Variants in AGTPBP1 observed in about 807,000 individuals in gnomAD.
AGTPBP1 encodes ATP/GTP binding carboxypeptidase 1.
A neutral mutation model predicts 143.9 loss-of-function variants in AGTPBP1; 70 were observed. That is an observed-to-expected ratio of 0.49 (90% CI 0.40 to 0.59). The LOEUF is 0.59. Ranked by LOEUF, AGTPBP1 falls within the 20% of genes least tolerant of loss-of-function variation. AGTPBP1 has a pLI of 0.00. For missense variants in AGTPBP1, 1,229 were observed against 1,464.5 expected (o/e 0.84, Z 2.62); for synonymous variants, 463 against 500.2 (o/e 0.93, Z 0.99).
chr9:85,740,670 T>C (rs1313429056), intron 1 of AGTPBP1, among the ~76,000 whole-genome samples: 1 of 152,184 alleles, frequency 6.6e-6, no homozygotes, highest in East Asian at 1.9e-4. Flanking sequence ...GATAATTTGA[T>C]TTACATAAAG....
At chr9:85,750,440 C>A in the AGTPBP1 span, among the ~76,000 whole-genome samples, 3 of 152,210 alleles carry the variant, frequency 2.0e-5, no homozygotes, top group African/African-American at 4.8e-5. Context: ...CACCTCTCTT[C>A]TATCCATGTC....
rs548167690 is a variant in AGTPBP1, at chr9:85,563,990, G to T, written c.3503+11325C>A. Among the ~76,000 whole-genome samples, 11 of 152,346 alleles carry T rather than the reference G, an allele frequency of 7.2e-5. 1 individual carries two copies. The South Asian group carries it at 2.3e-3, about 32-fold the overall frequency. ...CTCTGCTGAGCCCCAGAATTCACCA[G>T]CCTGGGAAGCATGGTTACCTCCACC... is the stretch of plus-strand genomic sequence containing the variant. On this transcript the variant is annotated intron_variant, in intron 25 of 25. Coordinates refer to ENST00000357081, the MANE Select transcript of AGTPBP1 (RefSeq NM_001330701.2).
chr9:85,753,620 C>T, the AGTPBP1 span, among the ~76,000 whole-genome samples: 3 of 152,030 alleles, frequency 2.0e-5, no homozygotes, highest in African/African-American at 4.8e-5. Context: ...GTCTTGGTGG[C>T]GGGTGCTTGT....
At chr9:85,575,923 C>T (rs1564024488) in intron 24 of AGTPBP1, among the ~76,000 whole-genome samples, 1 of 152,112 alleles carries the variant, frequency 6.6e-6, no homozygotes, top group East Asian at 1.9e-4. Context: ...GATACTTCTA[C>T]TGTATGATAA....
At chr9:85,734,390 C>T (rs888114121) in intron 1 of AGTPBP1, among the ~76,000 whole-genome samples, 9 of 152,022 alleles carry the variant, frequency 5.9e-5, no homozygotes, top group Non-Finnish European at 1.3e-4. Flanking sequence ...AGGAACGCTT[C>T]CTACCTCATT....
the AGTPBP1 span, chr9:85,791,527 A>C: frequency 6.6e-6 from 1 of 152,190 alleles, no homozygotes; most frequent in Non-Finnish European, 1.5e-5. Flanking sequence ...AATAGCTCTA[A>C]GACAGATGAC....
At chr9:85,664,577 A>T (rs1250602340) in intron 8 of AGTPBP1, among the ~76,000 whole-genome samples, 2 of 152,170 alleles carry the variant, frequency 1.3e-5, no homozygotes, top group African/African-American at 4.8e-5. Context: ...TACAGATTTT[A>T]TCATGTCAAC....
At chr9:85,621,526 AT>A (rs1332570974) in intron 14 of AGTPBP1, among the ~76,000 whole-genome samples, 79 of 130,264 alleles carry the variant, frequency 6.1e-4, no homozygotes, top group African/African-American at 2.9e-3. Flanking sequence ...AAGTCCAATC[AT>A]TTAAAAAAAA....
chr9:85,780,015 A>T, the AGTPBP1 span, among the ~76,000 whole-genome samples: 1 of 152,204 alleles, frequency 6.6e-6, no homozygotes, highest in Non-Finnish European at 1.5e-5. Flanking sequence ...TGATCTCATT[A>T]ATTTTAAGTA....
intron 2 of AGTPBP1, among the ~76,000 whole-genome samples, chr9:85,697,513 C>A (rs1222872414): frequency 8.4e-6 from 1 of 118,970 alleles, no homozygotes; most frequent in Admixed American, 1.2e-4. Context: ...AGTGCAGTGG[C>A]GCAATCTCGG....
intron 17 of AGTPBP1, among the ~76,000 whole-genome samples, chr9:85,607,995 T>C (rs1830089232): frequency 6.6e-6 from 1 of 152,128 alleles, no homozygotes; most frequent in Non-Finnish European, 1.5e-5. Flanking sequence ...AGTCTCAGAA[T>C]TTGATTTTTC....
intron 15 of AGTPBP1, 110 bp from the exon 16 acceptor site, chr9:85,619,411 T>TC: frequency 1.4e-6 from 1 of 712,300 alleles, no homozygotes; most frequent in Non-Finnish European, 2.2e-6. Flanking sequence ...CATATCACCT[T>TC]CCTCATTATT....
intron 2 of AGTPBP1, among the ~76,000 whole-genome samples, chr9:85,709,748 G>T (rs1837247556): frequency 6.6e-6 from 1 of 152,134 alleles, no homozygotes; most frequent in Non-Finnish European, 1.5e-5. Context: ...GTTGGAGAAT[G>T]AAAAGAATAA....
At chr9:85,782,558 T>C in the AGTPBP1 span, among the ~76,000 whole-genome samples, 2 of 152,114 alleles carry the variant, frequency 1.3e-5, no homozygotes, top group Non-Finnish European at 2.9e-5. Flanking sequence ...TTATCATGTA[T>C]AGACATTTTC....
chr9:85,608,440 C>CA (rs1258195605), intron 17 of AGTPBP1, among the ~76,000 whole-genome samples: 1 of 151,982 alleles, frequency 6.6e-6, no homozygotes, highest in African/African-American at 2.4e-5. Context: ...AACCAAATGA[C>CA]ATAATCAATG....
intron 1 of AGTPBP1, 106 bp downstream of exon 1, chr9:85,741,669 G>C: frequency 8.0e-7 from 1 of 1,253,866 alleles, no homozygotes; most frequent in Non-Finnish European, 1.0e-6. Context: ...GCAGGGATCC[G>C]GGGTCGCCCC....
chr9:85,675,655 T>C (rs1364653242), intron 6 of AGTPBP1, among the ~76,000 whole-genome samples: 2 of 152,236 alleles, frequency 1.3e-5, no homozygotes, highest in African/African-American at 2.4e-5. Flanking sequence ...CAAAACTTTT[T>C]CTTTTTTCTA....
In AGTPBP1 at chr9:85,692,825, G is replaced by A. The variant is rs186152997; in HGVS notation, c.33-12C>T. ...AATTATTGGTAAGGCTAAAAAGAAC[G>A]TAGAATGTTAGGGCACATTCTAAAT... On this transcript the variant is annotated splice_polypyrimidine_tract_variant and intron_variant, in intron 2 of 25. Transcript: ENST00000357081. 14 of 1,611,528 alleles carry A rather than the reference G, an allele frequency of 8.7e-6. No homozygotes were observed. Among genetic ancestry groups the A allele is most frequent in the South Asian group, 5.5e-5 (5 of 90,604 alleles).
chr9:85,781,831 T>C, the AGTPBP1 span, among the ~76,000 whole-genome samples: 1 of 152,204 alleles, frequency 6.6e-6, no homozygotes, highest in African/African-American at 2.4e-5. Context: ...TGTTTCCTTG[T>C]ATAATCATAT....
Sources: gnomAD v4.1 joint callset for allele counts (sites outside exome capture counted in the v4.1 genomes callset) on GRCh38, gnomAD v4.1.1 for gene constraint, MANE v1.5 for transcripts, NCBI Gene and HGNC (gene_info 2026-07-23, HGNC 2026-07-21) for gene names.